GRIA4: variants seen among roughly 807,000 people sequenced by gnomAD.
The protein encoded by GRIA4 is glutamate receptor 4.
GRIA4 carries 34 observed loss-of-function variants against 104.0 expected under a neutral mutation model. The ratio of observed to expected loss-of-function variants is 0.33; its 90% CI spans 0.25 to 0.44. The LOEUF is 0.44. Ranked by LOEUF, GRIA4 falls within the 20% of genes least tolerant of loss-of-function variation. The probability of loss-of-function intolerance (pLI) is 1.00; values close to 1 mark genes in which losing one functional copy is unlikely to be tolerated. For missense variants in GRIA4, 750 were observed against 1,096.5 expected (o/e 0.68, Z 4.46); for synonymous variants, 386 against 381.9 (o/e 1.01, Z -0.13).
chr11:105,812,659 T>A (rs549834213), intron 4 of GRIA4, among the ~76,000 whole-genome samples: 8 of 152,290 alleles, frequency 5.3e-5, no homozygotes, highest in Admixed American at 3.3e-4. Context: ...TAGGGCTGTA[T>A]CACAAATAGT....
At chr11:105,769,069 T>C (rs879448009) in intron 4 of GRIA4, among the ~76,000 whole-genome samples, 4 of 152,094 alleles carry the variant, frequency 2.6e-5, no homozygotes, top group Admixed American at 1.3e-4. Flanking sequence ...CTGAGACACA[T>C]GCTCAGTAAC....
intron 5 of GRIA4, among the ~76,000 whole-genome samples, chr11:105,867,512 G>T (rs1029464153): frequency 6.6e-6 from 1 of 152,130 alleles, no homozygotes; most frequent in Non-Finnish European, 1.5e-5. Flanking sequence ...AACTCTGTCA[G>T]TTCCCCCGGA....
intron 4 of GRIA4, among the ~76,000 whole-genome samples, chr11:105,837,807 T>C (rs1356761313): frequency 1.3e-5 from 2 of 152,158 alleles, no homozygotes; most frequent in Non-Finnish European, 2.9e-5. Context: ...ATTGAAAATA[T>C]GAGTATTGGC....
chr11:105,730,527 C>T (rs545917299), intron 3 of GRIA4, among the ~76,000 whole-genome samples: 3 of 152,242 alleles, frequency 2.0e-5, no homozygotes, highest in South Asian at 4.1e-4. Context: ...GAAAAAACTA[C>T]TTTAAATTTC....
intron 14 of GRIA4, among the ~76,000 whole-genome samples, chr11:105,938,876 A>G (rs1464813307): frequency 6.6e-6 from 1 of 152,192 alleles, no homozygotes; most frequent in Non-Finnish European, 1.5e-5. Context: ...ATTGCACAAT[A>G]GAATCTATAT....
intron 4 of GRIA4, among the ~76,000 whole-genome samples, chr11:105,769,765 A>T (rs1490463817): frequency 1.3e-5 from 2 of 152,082 alleles, no homozygotes; most frequent in African/African-American, 4.8e-5. Context: ...TCACAATGTG[A>T]CACATGAACA....
At chr11:105,830,307 G>C (rs17104612) in intron 4 of GRIA4, among the ~76,000 whole-genome samples, 7,200 of 152,108 alleles carry the variant, frequency 0.047, 396 homozygotes, top group African/African-American at 0.14. Context: ...TGGTCTCAAA[G>C]ATGATGAGGA....
intron 6 of GRIA4, among the ~76,000 whole-genome samples, chr11:105,888,145 T>G (rs1278564303): frequency 1.3e-5 from 2 of 152,090 alleles, no homozygotes; most frequent in Non-Finnish European, 2.9e-5. Context: ...TTGTTAACCA[T>G]GTAGTGTAGG....
chr11:105,818,858 G>C (rs1472478423), intron 4 of GRIA4, among the ~76,000 whole-genome samples: 1 of 152,032 alleles, frequency 6.6e-6, no homozygotes, highest in Non-Finnish European at 1.5e-5. Flanking sequence ...GTTTGATATG[G>C]GATTTTAGAA....
At chr11:105,845,394 C>A (rs1000325206) in intron 4 of GRIA4, among the ~76,000 whole-genome samples, 1 of 152,132 alleles carries the variant, frequency 6.6e-6, no homozygotes, top group Non-Finnish European at 1.5e-5. Flanking sequence ...AGCATCACTT[C>A]CTCAGCAGTC....
chr11:105,653,210 C>T (rs574405850), intron 3 of GRIA4, among the ~76,000 whole-genome samples: 2 of 152,332 alleles, frequency 1.3e-5, no homozygotes, highest in African/African-American at 4.8e-5. Context: ...CGCACCCGGC[C>T]TTTTCTTGCT....
chr11:105,647,120 TA>T (rs1951552109), intron 3 of GRIA4, among the ~76,000 whole-genome samples: 1 of 151,886 alleles, frequency 6.6e-6, no homozygotes, highest in Admixed American at 6.6e-5. Flanking sequence ...ATAAACCCAT[TA>T]AAAATGGGCA....
At chr11:105,695,496 G>A (rs1241613664) in intron 3 of GRIA4, among the ~76,000 whole-genome samples, 1 of 119,362 alleles carries the variant, frequency 8.4e-6, no homozygotes, top group Admixed American at 8.0e-5. Flanking sequence ...GTGTGTGTGT[G>A]TGTGTCTGTG....
chr11:105,856,899 T>C lies in GRIA4; in HGVS notation c.488-5125T>C, dbSNP rs1945027070. On this transcript the variant is annotated intron_variant, in intron 4 of 16. Transcript: ENST00000282499. ...TTGAAGATGAATTCTCTACTTTTAC[T>C]CTTGAGTGTTTGTAGAAAAGGGAAA... Among the ~76,000 whole-genome samples the C allele has an allele frequency of 2.0e-5, 3 of 152,158 alleles. No individual in the cohort carries two copies. In the South Asian group the frequency reaches 6.2e-4, roughly 31 times the overall value.
chr11:105,660,963 T>C (rs1951990027), intron 3 of GRIA4, among the ~76,000 whole-genome samples: 1 of 151,594 alleles, frequency 6.6e-6, no homozygotes, highest in South Asian at 2.1e-4. Flanking sequence ...CTACAATTTC[T>C]GAAGAGAAAG....
intron 4 of GRIA4, among the ~76,000 whole-genome samples, chr11:105,847,674 T>G (rs566370895): frequency 2.0e-5 from 3 of 152,334 alleles, no homozygotes; most frequent in African/African-American, 7.2e-5. Context: ...TACCTCCCTA[T>G]GGAAAGTTAT....
rs1859207543 is a variant in GRIA4, at chr11:105,980,294, T to A, written c.*555T>A. 1.3e-5 allele frequency: 2 copies of A among 152,688 alleles called. No homozygotes were observed. Among genetic ancestry groups the A allele is most frequent in the African/African-American group, 4.8e-5 (2 of 41,444 alleles). 9.5% of individuals were successfully genotyped at this position (152,688 alleles called of 1,614,324 possible). On this transcript the variant is annotated 3_prime_UTR_variant, in exon 17 of 17. Transcript: ENST00000282499. The stretch of plus-strand genomic sequence containing the variant: ...AATAAAGGAAGTATGTACACTTACT[T>A]TGGAGAAAACAAATACTGAAACATG...
chr11:105,667,377 G>A (rs146751324), intron 3 of GRIA4, among the ~76,000 whole-genome samples: 1 of 151,854 alleles, frequency 6.6e-6, no homozygotes, highest in African/African-American at 2.4e-5. Context: ...ATCAAAGACG[G>A]GCCTAATCCA....
intron 3 of GRIA4, among the ~76,000 whole-genome samples, chr11:105,630,063 A>T (rs1950992569): frequency 1.3e-5 from 2 of 152,114 alleles, no homozygotes; most frequent in South Asian, 4.1e-4. Flanking sequence ...CCATCTGGTC[A>T]CTTTCTTTAG....
Sources: gnomAD v4.1 joint callset for allele counts (sites outside exome capture counted in the v4.1 genomes callset) on GRCh38, gnomAD v4.1.1 for gene constraint, MANE v1.5 for transcripts, NCBI Gene and HGNC (gene_info 2026-07-23, HGNC 2026-07-21) for gene names.